Variants in ABCG1 observed in about 807,000 individuals in gnomAD.
ABCG1 encodes ATP binding cassette subfamily G member 1.
Under a neutral mutation model 69.2 loss-of-function variants are expected in ABCG1, and 29 were observed. The ratio of observed to expected loss-of-function variants is 0.42; its 90% CI spans 0.31 to 0.57. The LOEUF (loss-of-function observed/expected upper bound fraction) is 0.57. Among genes scored for constraint, ABCG1 ranks in the 20% least tolerant of loss-of-function variants. ABCG1 has a pLI of 0.15. For missense variants in ABCG1, 718 were observed against 898.1 expected (o/e 0.80, Z 2.56); for synonymous variants, 370 against 374.8 (o/e 0.99, Z 0.15).
In ABCG1 at chr21:42,296,441, C is replaced by G. The variant is rs777006491; in HGVS notation, c.*49C>G. On this transcript the variant is annotated 3_prime_UTR_variant, in exon 15 of 15. Transcript: ENST00000398449. This position sits in a 1 kb window ranked among gnomAD's most constrained non-coding sequence, Gnocchi z 5.4. ...GAAGATTAGACACTGTGGCCGAGGG[C>G]ACGTCTAGAATCGAGGAGGCAAGCC... 1.9e-5 allele frequency: 29 copies of G among 1,541,998 alleles called. No homozygotes were observed. The highest frequency in any genetic ancestry group is 4.1e-5 in the African/African-American group (3 of 73,524).
upstream of ABCG1, among the ~76,000 whole-genome samples, chr21:42,218,831 T>C (rs1335174308): frequency 6.6e-6 from 1 of 152,122 alleles, no homozygotes; most frequent in African/African-American, 2.4e-5. Context: ...TTGGAGGCAG[T>C]GGATTTCCGA....
In ABCG1 at chr21:42,219,297, C is replaced by T. The variant is rs763926134; in HGVS notation, c.35C>T (p.Thr12Ile). The T allele has an allele frequency of 1.0e-5, 16 of 1,595,730 alleles. No homozygotes were observed. The highest frequency in any genetic ancestry group is 1.4e-5 in the African/African-American group (1 of 73,410). Residue 12 changes from threonine (T) to isoleucine (I), a missense_variant, in exon 1 of 15, where the codon ACC becomes ATC. Physicochemically the swap from Thr to Ile is moderately conservative, Grantham distance 89 (BLOSUM62 -1). Coordinates refer to ENST00000398449, the MANE Select transcript of ABCG1 (RefSeq NM_016818.3). The surrounding 1 kb of genome is among the most constrained non-coding windows in gnomAD (Gnocchi z 5.3). ...ACLMAAFSVG[T>I]AMNASSYSAE... The stretch of plus-strand genomic sequence containing the variant: ...CTGATGGCCGCTTTCTCGGTCGGCA[C>T]CGCCATGGTGAGTGAGCGCATCCTT...
At chr21:42,247,299 G>A (rs2068147908) in intron 2 of ABCG1, among the ~76,000 whole-genome samples, 1 of 152,102 alleles carries the variant, frequency 6.6e-6, no homozygotes, top group African/African-American at 2.4e-5. Context: ...TAATTGATAG[G>A]GACACAAGGA....
upstream of ABCG1, chr21:42,216,014 C>T (rs1460224908): frequency 3.3e-6 from 1 of 299,342 alleles, no homozygotes; most frequent in Non-Finnish European, 6.8e-6. Flanking sequence ...ATCACTGAAT[C>T]ATAGGGGCAG....
At chr21:42,293,044 A>AC (rs2069105894) in intron 13 of ABCG1, among the ~76,000 whole-genome samples, 1 of 81,984 alleles carries the variant, frequency 1.2e-5, no homozygotes, top group Non-Finnish European at 2.4e-5. Context: ...ACTACACACC[A>AC]CACACACTAC....
At chr21:42,289,484 A>G (rs937572205) in intron 10 of ABCG1, among the ~76,000 whole-genome samples, 47 of 152,212 alleles carry the variant, frequency 3.1e-4, no homozygotes, top group African/African-American at 1.1e-3. Context: ...AGCACTGTGA[A>G]TCATGAGGAT....
intron 2 of ABCG1, among the ~76,000 whole-genome samples, chr21:42,202,435 A>T (rs1156886028): frequency 6.6e-6 from 1 of 152,136 alleles, no homozygotes; most frequent in African/African-American, 2.4e-5. Context: ...GAGTAAAGCC[A>T]TCTGGGGAGA....
In ABCG1 at chr21:42,291,020, G is replaced by T. The variant is rs868796258; in HGVS notation, c.1394-72G>T. The stretch of plus-strand genomic sequence containing the variant: ...GTTACCAGCCGCTCAGCTCAAGATC[G>T]CCTGTTGGGATGTTAAACGGGCTCG... On this transcript the variant is annotated intron_variant, in intron 11 of 14. Transcript: ENST00000398449. The surrounding 1 kb of genome is among the most constrained non-coding windows in gnomAD (Gnocchi z 6.4). 23 of 1,130,504 alleles carry T rather than the reference G, an allele frequency of 2.0e-5. No homozygotes were observed. Among genetic ancestry groups the T allele is most frequent in the Non-Finnish European group, 1.7e-5 (13 of 752,372 alleles). The allele number at this position is 1,130,504 out of a possible 1,614,324, so 70.0% of individuals were successfully genotyped here.
At chr21:42,240,381 A>G (rs1601376462) in intron 2 of ABCG1, among the ~76,000 whole-genome samples, 1 of 152,370 alleles carries the variant, frequency 6.6e-6, no homozygotes, top group East Asian at 1.9e-4. Context: ...GCCTAGGGCC[A>G]TGGCCCTTTT....
upstream of ABCG1, among the ~76,000 whole-genome samples, chr21:42,218,685 G>A (rs1332573913): frequency 6.6e-6 from 1 of 152,140 alleles, no homozygotes; most frequent in African/African-American, 2.4e-5. Context: ...GCTCCTACCT[G>A]GCAGAGAGCT....
At chr21:42,262,694 G>A (rs1011939532) in intron 2 of ABCG1, among the ~76,000 whole-genome samples, 2 of 152,230 alleles carry the variant, frequency 1.3e-5, no homozygotes, top group African/African-American at 4.8e-5. Context: ...TTGGCCCCGG[G>A]TGCAAGAGCC....
In ABCG1 at chr21:42,273,352, C is replaced by T; in HGVS notation, c.454C>T (p.Leu152=). The part of the protein sequence containing the change: ...AVLINGLPRD[L]RCFRKVSCYI... ...CCTCATCAACGGCCTGCCCCGGGAC[C>T]TGCGCTGCTTCCGGAAGGTGTCCTG... is the stretch of plus-strand genomic sequence containing the variant. Residue 152 remains leucine (L), a synonymous_variant, in exon 4 of 15, where the codon CTG becomes TTG. Transcript: ENST00000398449. This position sits in a 1 kb window ranked among gnomAD's most constrained non-coding sequence, Gnocchi z 5.3. 1.9e-6 allele frequency: 3 copies of T among 1,613,884 alleles called. No individual in the cohort carries two copies. The highest frequency in any genetic ancestry group is 1.7e-6 in the Non-Finnish European group (2 of 1,179,994).
intron 13 of ABCG1, among the ~76,000 whole-genome samples, chr21:42,293,062 C>CTA (rs2069106883): frequency 1.0e-5 from 1 of 96,766 alleles, no homozygotes; most frequent in Non-Finnish European, 2.1e-5. Context: ...TACACACATA[C>CTA]CACACTACAC....
intron 4 of ABCG1, among the ~76,000 whole-genome samples, chr21:42,275,833 C>T (rs2068699909): frequency 6.6e-6 from 1 of 152,268 alleles, no homozygotes; most frequent in South Asian, 2.1e-4. Context: ...ATATTGGCCG[C>T]CCGTTGCGGA....
chr21:42,286,553 C>T (rs1056742593), intron 8 of ABCG1, among the ~76,000 whole-genome samples: 9 of 152,158 alleles, frequency 5.9e-5, no homozygotes, highest in African/African-American at 1.9e-4. Flanking sequence ...GGAGACAGGG[C>T]GAGGGTTGCA....
chr21:42,251,638 C>CA (rs991367654), intron 2 of ABCG1, among the ~76,000 whole-genome samples: 113 of 150,442 alleles, frequency 7.5e-4, no homozygotes, highest in Middle Eastern at 3.4e-3. Context: ...GAAGTGGAGG[C>CA]GAGGCGGGGG....
chr21:42,265,206 T>A (rs143482955), intron 2 of ABCG1, among the ~76,000 whole-genome samples: 4 of 152,286 alleles, frequency 2.6e-5, no homozygotes, highest in African/African-American at 9.6e-5. Flanking sequence ...CACAGGTCAG[T>A]TTCCTCCTGG....
At chr21:42,279,119 C>T (rs1457554540) in intron 5 of ABCG1, among the ~76,000 whole-genome samples, 2 of 152,164 alleles carry the variant, frequency 1.3e-5, no homozygotes, top group African/African-American at 2.4e-5. Flanking sequence ...CTCTTTGTCT[C>T]GGATAGCCCT....
chr21:42,282,356 G>A lies in ABCG1; in HGVS notation c.671G>A (p.Arg224His), dbSNP rs1445295054. ...AGCCTGTCAGGTGGTCAGCGCAAGC[G>A]CCTGGCCATCGCGCTGGAGCTGGTG... ...TGSLSGGQRKRLAIALELVNN... is the reference protein window; with the variant it reads ...TGSLSGGQRKHLAIALELVNN... Residue 224 changes from arginine (R) to histidine (H), a missense_variant, in exon 6 of 15, where the codon CGC (arginine) becomes CAC (histidine). By Grantham distance (29) the Arg-to-His change is conservative. Coordinates refer to ENST00000398449, the MANE Select transcript of ABCG1 (RefSeq NM_016818.3). 7.4e-6 allele frequency: 12 copies of A among 1,613,862 alleles called. No homozygotes were observed. Among genetic ancestry groups the A allele is most frequent in the Non-Finnish European group, 8.5e-6 (10 of 1,180,006 alleles).
Sources: gnomAD v4.1 joint callset for allele counts (sites outside exome capture counted in the v4.1 genomes callset) on GRCh38, gnomAD v4.1.1 for gene constraint, Gnocchi (gnomAD v3.1) non-coding constraint, MANE v1.5 for transcripts, NCBI Gene and HGNC (gene_info 2026-07-23, HGNC 2026-07-21) for gene names.